The following KIAA1328 variants were observed in gnomAD, a reference collection of about 807,000 sequenced individuals.
The protein encoded by KIAA1328 is protein hinderin.
Under a neutral mutation model 68.1 loss-of-function variants are expected in KIAA1328, and 52 were observed. The ratio of observed to expected loss-of-function variants is 0.76; its 90% confidence interval spans 0.61 to 0.96. The LOEUF (loss-of-function observed/expected upper bound fraction) is 0.96, where lower values mean the gene tolerates loss of function less well. Ranked by LOEUF, KIAA1328 falls within the 40% of genes least tolerant of loss-of-function variation. The pLI is 0.00. For synonymous variants in KIAA1328, 232 were observed against 239.4 expected (o/e 0.97, Z 0.28); for missense variants, 641 against 677.6 (o/e 0.95, Z 0.60).
intron 5 of KIAA1328, among the ~76,000 whole-genome samples, chr18:36,942,652 C>T (rs370056717): frequency 6.6e-6 from 1 of 151,982 alleles, no homozygotes; most frequent in African/African-American, 2.4e-5. Context: ...AAAACAAAAT[C>T]CAGATTAATT....
intron 3 of KIAA1328, among the ~76,000 whole-genome samples, chr18:36,842,674 AT>A (rs112634490): frequency 0.012 from 1,668 of 142,330 alleles, 39 homozygotes; most frequent in Admixed American, 0.055. Context: ...CTAATTATTT[AT>A]TTTTTTTTTT....
At chr18:36,987,853 A>T (rs1598902055) in intron 6 of KIAA1328, among the ~76,000 whole-genome samples, 1 of 152,196 alleles carries the variant, frequency 6.6e-6, no homozygotes, top group East Asian at 1.9e-4. Flanking sequence ...TTTTTAAAAA[A>T]AAAGAACTGC....
At position 37,140,259 on chromosome 18, in the gene KIAA1328, T is replaced by C. The variant is rs375067402; in HGVS notation, c.1233-19941T>C. Among the ~76,000 whole-genome samples, 25 of 152,264 alleles carry C rather than the reference T, an allele frequency of 1.6e-4. No individual in the cohort carries two copies. The East Asian group carries it at 4.6e-3, about 28-fold the overall frequency. ...AAGGCATCCTATCAAGTAATTGTTCTTTGTGTTAATAAATGACAGCTATTC... is the reference window on the plus strand; with the variant it reads ...AAGGCATCCTATCAAGTAATTGTTCCTTGTGTTAATAAATGACAGCTATTC... On this transcript the variant is annotated intron_variant, in intron 7 of 9. Coordinates refer to ENST00000280020, the MANE Select transcript of KIAA1328 (RefSeq NM_020776.3).
chr18:37,160,141 C>A, intron 7 of KIAA1328, 59 bp from the exon 8 acceptor site: 2 of 1,373,574 alleles, frequency 1.5e-6, no homozygotes, highest in East Asian at 2.5e-5. Flanking sequence ...ATTTAAATAT[C>A]TATGTGCTCT....
intron 9 of KIAA1328, among the ~76,000 whole-genome samples, chr18:37,192,344 T>C (rs1297748440): frequency 1.3e-5 from 2 of 152,338 alleles, no homozygotes; most frequent in East Asian, 3.9e-4. Flanking sequence ...TTCTATTTTG[T>C]AATCTTAAAC....
At chr18:37,046,708 G>A (rs146124092) in intron 6 of KIAA1328, among the ~76,000 whole-genome samples, 359 of 152,204 alleles carry the variant, frequency 2.4e-3, no homozygotes, top group Non-Finnish European at 3.5e-3. Flanking sequence ...TGCAAAAATT[G>A]CATTATTATC....
intron 3 of KIAA1328, among the ~76,000 whole-genome samples, chr18:36,838,322 T>A (rs190027535): frequency 9.2e-5 from 14 of 152,348 alleles, no homozygotes; most frequent in Admixed American, 7.2e-4. Context: ...TTTAATTGCC[T>A]TTTAAAGAAA....
intron 9 of KIAA1328, among the ~76,000 whole-genome samples, chr18:37,200,938 A>G (rs1568527363): frequency 6.6e-6 from 1 of 151,788 alleles, no homozygotes; most frequent in Non-Finnish European, 1.5e-5. Context: ...TCTTGAAAGC[A>G]TTGATTGTCA....
downstream of KIAA1328, among the ~76,000 whole-genome samples, chr18:37,225,579 G>T (rs771822456): frequency 4.6e-5 from 7 of 152,200 alleles, no homozygotes; most frequent in African/African-American, 7.2e-5. Flanking sequence ...TTTTGTGCTT[G>T]TTGGAACAGA....
chr18:37,113,019 A>G (rs2057982349), intron 7 of KIAA1328, among the ~76,000 whole-genome samples: 1 of 152,232 alleles, frequency 6.6e-6, no homozygotes, highest in Admixed American at 6.5e-5. Context: ...TGAAAAGACC[A>G]AATCTACGTT....
intron 6 of KIAA1328, among the ~76,000 whole-genome samples, chr18:37,014,260 A>G (rs975750888): frequency 6.6e-6 from 1 of 152,162 alleles, no homozygotes; most frequent in Non-Finnish European, 1.5e-5. Context: ...GTTGCATTGC[A>G]TGCAAATATT....
chr18:36,842,144 T>C (rs938183836), intron 3 of KIAA1328, among the ~76,000 whole-genome samples: 3 of 152,176 alleles, frequency 2.0e-5, no homozygotes, highest in African/African-American at 7.2e-5. Flanking sequence ...CCACAATCTC[T>C]AGAACTGGAT....
chr18:36,948,879 G>A (rs1000047221), intron 5 of KIAA1328, among the ~76,000 whole-genome samples: 1 of 152,152 alleles, frequency 6.6e-6, no homozygotes, highest in East Asian at 1.9e-4. Context: ...TCTGTTTCTC[G>A]TGTTTGGAGC....
intron 6 of KIAA1328, among the ~76,000 whole-genome samples, chr18:37,053,330 T>C (rs2055777866): frequency 6.6e-6 from 1 of 152,098 alleles, no homozygotes; most frequent in Non-Finnish European, 1.5e-5. Context: ...TATATAAAAA[T>C]ACACTCAAGA....
At chr18:36,923,897 A>T (rs1598726617) in intron 5 of KIAA1328, 1 of 152,222 alleles carries the variant, frequency 6.6e-6, no homozygotes, top group South Asian at 2.1e-4. Context: ...TGTTTAGGAA[A>T]CTTCAGGAGT....
chr18:37,193,568 C>G (rs911025426), intron 9 of KIAA1328: 22 of 702,284 alleles, frequency 3.1e-5, no homozygotes, highest in Non-Finnish European at 5.2e-5. Flanking sequence ...CACTCATGGA[C>G]ATTTTAATTT....
At chr18:37,004,836 A>C (rs1446953874) in intron 6 of KIAA1328, among the ~76,000 whole-genome samples, 1 of 152,152 alleles carries the variant, frequency 6.6e-6, no homozygotes, top group Non-Finnish European at 1.5e-5. Context: ...AATTGCAAAA[A>C]TATGGAACCA....
intron 5 of KIAA1328, among the ~76,000 whole-genome samples, chr18:36,889,471 A>G (rs2048608205): frequency 6.6e-6 from 1 of 152,334 alleles, no homozygotes; most frequent in East Asian, 1.9e-4. Context: ...GAAAAGTACT[A>G]AAGTCTAATG....
At chr18:37,086,677 G>A (rs147037508) in intron 7 of KIAA1328, among the ~76,000 whole-genome samples, 1 of 152,220 alleles carries the variant, frequency 6.6e-6, no homozygotes, top group East Asian at 1.9e-4. Context: ...TTAATTTATA[G>A]TTTAGCTTTA....
Sources: allele counts gnomAD v4.1 joint callset (sites outside exome capture counted in the v4.1 genomes callset), GRCh38; gene constraint gnomAD v4.1.1; transcripts MANE v1.5; gene names NCBI Gene and HGNC (gene_info 2026-07-23, HGNC 2026-07-21).